MSRA: variants seen among roughly 807,000 people sequenced by gnomAD.
MSRA encodes mitochondrial peptide methionine sulfoxide reductase.
MSRA carries 54 observed loss-of-function variants against 31.3 expected under a neutral mutation model. That is an observed-to-expected ratio of 1.73 (90% CI 1.39 to 2.17). MSRA has a LOEUF of 2.17. Among genes scored for constraint, MSRA ranks in the 30% most tolerant of loss-of-function variants. MSRA has a pLI of 0.00. For synonymous variants in MSRA, 169 were observed against 116.5 expected (o/e 1.45, Z -2.90); for missense variants, 507 against 300.9 (o/e 1.69, Z -5.07).
chr8:10,176,873 A>G (rs1451807359), intron 1 of MSRA, among the ~76,000 whole-genome samples: 2 of 152,124 alleles, frequency 1.3e-5, no homozygotes, highest in Non-Finnish European at 2.9e-5. Flanking sequence ...AGTTATTTTC[A>G]ATAACCTGTA....
chr8:10,201,865 C>A (rs914577791), intron 1 of MSRA, among the ~76,000 whole-genome samples: 40 of 152,212 alleles, frequency 2.6e-4, no homozygotes, highest in African/African-American at 9.4e-4. Context: ...CACGTCACTG[C>A]CATCAGCAGA....
At chr8:10,333,403 G>A (rs535560139) in intron 5 of MSRA, among the ~76,000 whole-genome samples, 11 of 152,296 alleles carry the variant, frequency 7.2e-5, no homozygotes, top group Admixed American at 6.5e-4. Context: ...GTGAAGAGCA[G>A]GAAATGGAAC....
At chr8:10,061,306 G>A (rs1190885120) in intron 1 of MSRA, among the ~76,000 whole-genome samples, 3 of 152,054 alleles carry the variant, frequency 2.0e-5, no homozygotes, top group Non-Finnish European at 2.9e-5. Context: ...TCTATTAAAG[G>A]CCTGCTTAGG....
At chr8:10,418,824 A>AAAAC (rs1808635225) in intron 5 of MSRA, among the ~76,000 whole-genome samples, 1 of 82,996 alleles carries the variant, frequency 1.2e-5, no homozygotes, top group Admixed American at 2.2e-4. Flanking sequence ...CTAAAAAAAA[A>AAAAC]AAAAAAAAAA....
chr8:10,319,840 C>T (rs764828003), intron 4 of MSRA, 43 bp from the exon 5 acceptor site: 15 of 1,256,664 alleles, frequency 1.2e-5, no homozygotes, highest in East Asian at 2.7e-5. Context: ...CTGGCACTGT[C>T]GCCTAGTGAC....
At chr8:10,343,054 G>GACACACAC (rs1202875145) in intron 5 of MSRA, among the ~76,000 whole-genome samples, 2 of 70,694 alleles carry the variant, frequency 2.8e-5, no homozygotes, top group South Asian at 7.2e-4. Flanking sequence ...CACACACACA[G>GACACACAC]ACACACACAC....
chr8:10,174,993 A>G (rs1472854812), intron 1 of MSRA, among the ~76,000 whole-genome samples: 2 of 152,124 alleles, frequency 1.3e-5, no homozygotes, highest in African/African-American at 4.8e-5. Context: ...TTCTGAACTT[A>G]ATTCCTATAG....
At chr8:10,255,162 G>A (rs1050161563) in intron 3 of MSRA, among the ~76,000 whole-genome samples, 18 of 152,200 alleles carry the variant, frequency 1.2e-4, no homozygotes, top group African/African-American at 4.1e-4. Context: ...TGAGGACTAG[G>A]GCCAAGTTAA....
intron 5 of MSRA, among the ~76,000 whole-genome samples, chr8:10,384,640 G>T (rs1290713062): frequency 2.6e-5 from 4 of 152,212 alleles, no homozygotes; most frequent in Non-Finnish European, 4.4e-5. Flanking sequence ...TGTTTTCAGG[G>T]TGCAGCCAGG....
intron 5 of MSRA, among the ~76,000 whole-genome samples, chr8:10,323,136 G>C (rs866993901): frequency 6.6e-6 from 1 of 150,892 alleles, no homozygotes; most frequent in Non-Finnish European, 1.5e-5. Context: ...AGTACCCGAG[G>C]AACTGATTCC....
At chr8:10,098,832 A>G (rs1282953906) in intron 1 of MSRA, among the ~76,000 whole-genome samples, 1 of 152,266 alleles carries the variant, frequency 6.6e-6, no homozygotes, top group Non-Finnish European at 1.5e-5. Flanking sequence ...AGATTGAGCC[A>G]CTGCTCACAT....
At chr8:10,309,716 C>T (rs1237984201) in intron 4 of MSRA, among the ~76,000 whole-genome samples, 5 of 152,210 alleles carry the variant, frequency 3.3e-5, no homozygotes, top group Non-Finnish European at 5.9e-5. Flanking sequence ...TGTGGGGCTC[C>T]TCAGCCTGTG....
At chr8:10,068,880 C>A (rs563351312) in intron 1 of MSRA, among the ~76,000 whole-genome samples, 1 of 152,314 alleles carries the variant, frequency 6.6e-6, no homozygotes, top group Non-Finnish European at 1.5e-5. Context: ...TTGGGAAGAA[C>A]TGACATCTTG....
rs539666276 is a variant in MSRA at position 10,422,474 on chromosome 8, C to T, written c.544-5674C>T. 8.6e-4 allele frequency among the ~76,000 whole-genome samples: 131 copies of T among 152,298 alleles called. 1 individual carries two copies. The highest frequency in any genetic ancestry group is 6.8e-3 in the South Asian group (33 of 4,820). On this transcript the variant is annotated intron_variant, in intron 5 of 5. Coordinates refer to ENST00000317173, the MANE Select transcript of MSRA (RefSeq NM_012331.5). Reference sequence around the variant, plus strand: ...ATTGAGGAAGAGTCTGTGAGAAAAACACAAATGACCAATTCTGTTAGGTGA... The same window carrying T: ...ATTGAGGAAGAGTCTGTGAGAAAAATACAAATGACCAATTCTGTTAGGTGA...
Position 10,345,392 on chromosome 8 carries a change from C to G in MSRA, c.543+25403C>G, listed in dbSNP as rs374438095. 1.2e-4 allele frequency among the ~76,000 whole-genome samples: 19 copies of G among 152,314 alleles called. No homozygotes were observed. The South Asian group carries it at 3.9e-3, about 32-fold the overall frequency. On this transcript the variant is annotated intron_variant, in intron 5 of 5. Coordinates refer to ENST00000317173, the MANE Select transcript of MSRA (RefSeq NM_012331.5). ...TTTTCCATGTCACATCCATTTCTAA[C>G]TGAGTGTGTGATCATAGGATTCACA...
intron 2 of MSRA, among the ~76,000 whole-genome samples, chr8:10,227,849 A>G (rs10503404): frequency 0.17 from 25,397 of 152,206 alleles, 2,318 homozygotes; most frequent in East Asian, 0.3. Context: ...GTAGATTTCA[A>G]TCAAGAGTAG....
intron 3 of MSRA, among the ~76,000 whole-genome samples, chr8:10,296,082 A>G (rs536232502): frequency 2.8e-4 from 42 of 152,290 alleles, no homozygotes; most frequent in Non-Finnish European, 7.3e-5. Flanking sequence ...CACTTCATCA[A>G]AAGAGTGAGA....
intron 1 of MSRA, among the ~76,000 whole-genome samples, chr8:10,196,758 A>G (rs7009475): frequency 0.56 from 84,566 of 151,238 alleles, 24,905 homozygotes; most frequent in African/African-American, 0.77. Context: ...TTTTAGTAGA[A>G]ATGGGGTTTC....
chr8:10,208,763 G>A (rs1466580334), intron 2 of MSRA, among the ~76,000 whole-genome samples: 1 of 152,166 alleles, frequency 6.6e-6, no homozygotes. Flanking sequence ...CAGGTTCTGT[G>A]ATGTCTCTCA....
Sources: allele counts gnomAD v4.1 joint callset (sites outside exome capture counted in the v4.1 genomes callset), GRCh38; gene constraint gnomAD v4.1.1; transcripts MANE v1.5; gene names NCBI Gene and HGNC (gene_info 2026-07-23, HGNC 2026-07-21).